MAP4K3: variants seen among roughly 807,000 people sequenced by gnomAD.
MAP4K3 encodes the protein MAPK/ERK kinase kinase kinase 3.
In MAP4K3, 94 loss-of-function variants were observed where a neutral mutation model predicts 143.5. That is an observed-to-expected ratio of 0.65 (90% CI 0.55 to 0.78). MAP4K3 has a LOEUF of 0.78. Ranked by LOEUF, MAP4K3 falls within the 30% of genes least tolerant of loss-of-function variation. The pLI, the probability that MAP4K3 is intolerant of heterozygous loss-of-function variation, is 0.00. For missense variants in MAP4K3, 1,077 were observed against 1,068.1 expected (o/e 1.01, Z -0.12); for synonymous variants, 416 against 347.2 (o/e 1.20, Z -2.20).
chr2:39,389,915 C>A (rs528630178), intron 1 of MAP4K3, among the ~76,000 whole-genome samples: 2 of 152,084 alleles, frequency 1.3e-5, no homozygotes, highest in South Asian at 4.1e-4. Flanking sequence ...AAAACTAGAA[C>A]TCAAATATGG....
At chr2:39,392,082 G>C (rs891743379) in intron 1 of MAP4K3, among the ~76,000 whole-genome samples, 31 of 149,512 alleles carry the variant, frequency 2.1e-4, no homozygotes, top group Non-Finnish European at 3.0e-5. Flanking sequence ...CTACTCGGGA[G>C]GCTGTGGTAG....
intron 1 of MAP4K3, among the ~76,000 whole-genome samples, chr2:39,430,010 A>G (rs536472176): frequency 1.3e-5 from 2 of 152,342 alleles, no homozygotes; most frequent in African/African-American, 4.8e-5. Context: ...AAGGAGAACA[A>G]TAATTGTGGG....
chr2:39,435,996 T>C (rs1237658585), intron 1 of MAP4K3, among the ~76,000 whole-genome samples: 6 of 152,240 alleles, frequency 3.9e-5, no homozygotes, highest in South Asian at 2.1e-4. Context: ...TCAGGTGTTA[T>C]GTGAAACTGG....
At chr2:39,435,083 TA>T (rs746158567) in intron 1 of MAP4K3, among the ~76,000 whole-genome samples, 9 of 152,314 alleles carry the variant, frequency 5.9e-5, no homozygotes, top group East Asian at 1.9e-4. Context: ...GAGTTTTAGT[TA>T]ACTTTTCATC....
At chr2:39,309,548 A>ATTTTTTTTTTT (rs749101883) in intron 13 of MAP4K3, 29 bp from the exon 14 acceptor site, 7 of 339,410 alleles carry the variant, frequency 2.1e-5, no homozygotes, top group South Asian at 7.7e-5. Context: ...TAAAACCAGG[A>ATTTTTTTTTTT]TTTTTTTTTT....
chr2:39,435,401 A>AT, intron 1 of MAP4K3, among the ~76,000 whole-genome samples: 1 of 152,286 alleles, frequency 6.6e-6, no homozygotes, highest in Middle Eastern at 3.4e-3. Flanking sequence ...TGCTCAGGCT[A>AT]TACAGGCCTT....
Position 39,288,268 on chromosome 2 carries a change from A to C in MAP4K3, c.1327T>G (p.Phe443Val), listed in dbSNP as rs1681885088. ...PPLPPKPKSI[F>V]IPQEMHSTED... ...GTAGAATGCATTTCCTGTGGTATGA[A>C]GATAGACTTAGGCTGAAATAATATA... The change falls in exon 20 of 34, where the codon TTC becomes GTC. Residue 443 changes from phenylalanine (F) to valine (V), a missense_variant. This residue lies in a region of MAP4K3 where 864 missense variants were observed against 801.2 expected (regional missense o/e 1.08). Transcript: ENST00000263881. 2.5e-6 allele frequency: 4 copies of C among 1,613,752 alleles called. No individual in the cohort carries two copies. The highest frequency in any genetic ancestry group is 3.4e-6 in the Non-Finnish European group (4 of 1,179,800).
chr2:39,401,446 T>C (rs76515629), intron 1 of MAP4K3, among the ~76,000 whole-genome samples: 1 of 152,118 alleles, frequency 6.6e-6, no homozygotes, highest in Non-Finnish European at 1.5e-5. Flanking sequence ...TGTCTTAGTA[T>C]TGGGGAAAAT....
At position 39,358,825 on chromosome 2, in the gene MAP4K3, C is replaced by A. The variant is rs567437882; in HGVS notation, c.155-2486G>T. ...TCACGAGTAGAGCAGCAGAGGGTAA[C>A]TGCCCCCATGATTCAATTACCTCCC... On this transcript the variant is annotated intron_variant, in intron 2 of 33. Transcript: ENST00000263881. 9.5e-4 allele frequency among the ~76,000 whole-genome samples: 144 copies of A among 152,290 alleles called. 1 individual carries two copies. The highest frequency in any genetic ancestry group is 3.1e-3 in the African/African-American group (129 of 41,554).
At chr2:39,404,704 C>G (rs763416909) in intron 1 of MAP4K3, among the ~76,000 whole-genome samples, 11 of 147,810 alleles carry the variant, frequency 7.4e-5, no homozygotes, top group Non-Finnish European at 1.2e-4. Context: ...TGACCACAAC[C>G]TCTGCCTTCT....
At chr2:39,306,956 A>G (rs1261197690) in intron 15 of MAP4K3, among the ~76,000 whole-genome samples, 1 of 152,248 alleles carries the variant, frequency 6.6e-6, no homozygotes, top group East Asian at 1.9e-4. Flanking sequence ...ATTTTGTTGC[A>G]TGGGTAAGAG....
chr2:39,272,862 T>C (rs1187990973), intron 24 of MAP4K3, among the ~76,000 whole-genome samples: 2 of 152,188 alleles, frequency 1.3e-5, no homozygotes, highest in African/African-American at 4.8e-5. Flanking sequence ...TATTCCTTTA[T>C]TTTGGTTCTG....
chr2:39,292,224 C>A (rs561409699), intron 18 of MAP4K3, among the ~76,000 whole-genome samples: 1 of 152,258 alleles, frequency 6.6e-6, no homozygotes, highest in East Asian at 1.9e-4. Flanking sequence ...GATAAATCTA[C>A]AATAAAAAAT....
chr2:39,302,448 T>C (rs1262871825), intron 15 of MAP4K3, among the ~76,000 whole-genome samples: 1 of 152,106 alleles, frequency 6.6e-6, no homozygotes, highest in Non-Finnish European at 1.5e-5. Context: ...GAAAATCGGA[T>C]AGGGAAAATG....
intron 3 of MAP4K3, among the ~76,000 whole-genome samples, chr2:39,346,131 C>A (rs1665284773): frequency 6.6e-6 from 1 of 152,118 alleles, no homozygotes; most frequent in Non-Finnish European, 1.5e-5. Context: ...GTATTAAGAA[C>A]TTTCAGAATA....
intron 28 of MAP4K3, among the ~76,000 whole-genome samples, chr2:39,264,523 T>C (rs1573068958): frequency 1.3e-5 from 2 of 152,178 alleles, no homozygotes; most frequent in Non-Finnish European, 2.9e-5. Context: ...ACTCCAGCTA[T>C]ATTCCGACTC....
intron 1 of MAP4K3, among the ~76,000 whole-genome samples, chr2:39,431,622 G>A (rs1419969773): frequency 1.3e-5 from 2 of 152,214 alleles, no homozygotes; most frequent in African/African-American, 4.8e-5. Context: ...ACAGATATTG[G>A]TGGGGAGGGG....
rs759441400 is a variant in MAP4K3, at chr2:39,267,144, A to G, written c.2032+45T>C. On this transcript the variant is annotated intron_variant, in intron 27 of 33. Transcript: ENST00000263881. ...GTAGTACTGTTTTATGCCAGATTTTAGGAGGAGTCTCAGAGAGCTATATGC... is the reference window on the plus strand; with the variant it reads ...GTAGTACTGTTTTATGCCAGATTTTGGGAGGAGTCTCAGAGAGCTATATGC... The G allele has an allele frequency of 2.5e-6, 4 of 1,570,940 alleles. No individual in the cohort carries two copies. The Admixed American group carries it at 6.7e-5, about 26-fold the overall frequency.
chr2:39,327,255 A>G (rs1036644140), intron 8 of MAP4K3, among the ~76,000 whole-genome samples: 1 of 152,172 alleles, frequency 6.6e-6, no homozygotes, highest in African/African-American at 2.4e-5. Flanking sequence ...TTTAGTATTT[A>G]ATTCATATTT....
Sources: allele counts gnomAD v4.1 joint callset (sites outside exome capture counted in the v4.1 genomes callset), GRCh38; gene constraint gnomAD v4.1.1; regional missense constraint gnomAD v4.1.1; transcripts MANE v1.5; gene names NCBI Gene and HGNC (gene_info 2026-07-23, HGNC 2026-07-21).